The following PALLD variants were observed in gnomAD, a reference collection of about 807,000 sequenced individuals.
PALLD encodes palladin.
In PALLD, 61 loss-of-function variants were observed where a neutral mutation model predicts 123.5. The observed-to-expected ratio is 0.49, with a 90% CI of 0.40 to 0.61. The LOEUF is 0.61. PALLD is among the 20% of genes least tolerant of loss of function. The pLI is 0.00. For synonymous variants in PALLD, 465 were observed against 496.4 expected (o/e 0.94, Z 0.84); for missense variants, 1,273 against 1,377.0 (o/e 0.92, Z 1.20).
At chr4:168,897,978 T>A (rs1190639171) in intron 13 of PALLD, 1 of 152,318 alleles carries the variant, frequency 6.6e-6, no homozygotes, top group East Asian at 1.9e-4. Flanking sequence ...TTTTTTTTTC[T>A]ATTATTCTTT....
At chr4:168,526,548 C>G (rs751563887) in intron 2 of PALLD, among the ~76,000 whole-genome samples, 32 of 152,108 alleles carry the variant, frequency 2.1e-4, no homozygotes, top group Admixed American at 6.5e-4. Context: ...GTCCTCTTGC[C>G]TCACTTTCTT....
intron 2 of PALLD, among the ~76,000 whole-genome samples, chr4:168,590,943 G>C (rs369662919): frequency 3.2e-5 from 4 of 126,162 alleles, no homozygotes; most frequent in African/African-American, 1.2e-4. Flanking sequence ...GCAATGGTGC[G>C]ATCTCGGCTC....
chr4:168,896,853 T>C (rs1314145927), intron 13 of PALLD, among the ~76,000 whole-genome samples: 1 of 152,072 alleles, frequency 6.6e-6, no homozygotes, highest in African/African-American at 2.4e-5. Flanking sequence ...TATTTTGAGA[T>C]GGAGTTTCGC....
At chr4:168,664,838 A>G (rs1779478271) in intron 2 of PALLD, among the ~76,000 whole-genome samples, 1 of 151,840 alleles carries the variant, frequency 6.6e-6, no homozygotes, top group South Asian at 2.1e-4. Context: ...AAAGGGCAGC[A>G]TAGTTTCTGG....
chr4:168,919,523 A>T (rs1223885287), intron 17 of PALLD, among the ~76,000 whole-genome samples: 1 of 131,998 alleles, frequency 7.6e-6, no homozygotes, highest in South Asian at 2.3e-4. Context: ...AGACTGTCTT[A>T]AAAAAAAAAA....
At chr4:168,856,733 A>G (rs182569474) in intron 10 of PALLD, among the ~76,000 whole-genome samples, 1 of 152,384 alleles carries the variant, frequency 6.6e-6, no homozygotes, top group Non-Finnish European at 1.5e-5. Flanking sequence ...TAAATAATAG[A>G]GTCTAAAATT....
chr4:168,787,980 C>G (rs535247517), intron 10 of PALLD, among the ~76,000 whole-genome samples: 2 of 152,198 alleles, frequency 1.3e-5, no homozygotes, highest in African/African-American at 4.8e-5. Flanking sequence ...TGTATAACTT[C>G]GCTGTAAACA....
At chr4:168,749,444 C>T (rs9994796) in intron 10 of PALLD, among the ~76,000 whole-genome samples, 5,059 of 151,842 alleles carry the variant, frequency 0.033, 366 homozygotes, top group East Asian at 0.31. Context: ...CAGTGGCTCA[C>T]GCCTGTAATC....
At chr4:168,560,279 T>C (rs1258527096) in intron 2 of PALLD, among the ~76,000 whole-genome samples, 2 of 152,214 alleles carry the variant, frequency 1.3e-5, no homozygotes, top group Admixed American at 6.5e-5. Context: ...GCAAGGCCAG[T>C]TGCTTGCTTT....
chr4:168,729,488 T>C (rs1426026704), intron 10 of PALLD, among the ~76,000 whole-genome samples: 1 of 152,124 alleles, frequency 6.6e-6, no homozygotes, highest in African/African-American at 2.4e-5. Flanking sequence ...AACATTGTTT[T>C]TCTCATGACA....
intron 10 of PALLD, among the ~76,000 whole-genome samples, chr4:168,774,457 G>A (rs891408764): frequency 3.3e-5 from 5 of 152,178 alleles, no homozygotes; most frequent in Non-Finnish European, 7.3e-5. Context: ...GCTGAGTGCG[G>A]TGGCTCATGC....
chr4:168,919,778 C>T (rs1307422800), intron 17 of PALLD, among the ~76,000 whole-genome samples: 2 of 152,150 alleles, frequency 1.3e-5, no homozygotes, highest in African/African-American at 4.8e-5. Context: ...ACAAGCATCA[C>T]TATTTTCATG....
chr4:168,513,311 G>A (rs1259415534), intron 2 of PALLD, among the ~76,000 whole-genome samples: 1 of 152,180 alleles, frequency 6.6e-6, no homozygotes, highest in East Asian at 1.9e-4. Flanking sequence ...ACTAGAGCAT[G>A]GAGACAGCAA....
Position 168,709,148 on chromosome 4 carries a change from G to T in PALLD, c.1621+1G>T, listed in dbSNP as rs766935398. ...ACTGCCCAGCTGGTTGTCACCTCAG[G>T]TATGTGAGGAGTAAAAAAAATGACT... is the stretch of plus-strand genomic sequence containing the variant. On this transcript the variant is annotated splice_donor_variant, in intron 9 of 21. Coordinates refer to ENST00000505667, the MANE Select transcript of PALLD (RefSeq NM_001166108.2). LOFTEE classifies it high-confidence loss of function. The T allele has an allele frequency of 3.7e-6, 6 of 1,613,506 alleles. No individual in the cohort carries two copies. In the African/African-American group the frequency reaches 8.0e-5, roughly 22 times the overall value.
At chr4:168,634,670 C>A (rs1378546731) in intron 2 of PALLD, among the ~76,000 whole-genome samples, 1 of 152,170 alleles carries the variant, frequency 6.6e-6, no homozygotes, top group Non-Finnish European at 1.5e-5. Flanking sequence ...GCCTGGAGAC[C>A]AAAGCCACCA....
At chr4:168,824,696 G>A (rs1049903428) in intron 10 of PALLD, among the ~76,000 whole-genome samples, 1 of 151,008 alleles carries the variant, frequency 6.6e-6, no homozygotes, top group Non-Finnish European at 1.5e-5. Flanking sequence ...TTGAAATCTA[G>A]TACTTCATTG....
chr4:168,914,411 TG>T (rs1020184774), intron 16 of PALLD, among the ~76,000 whole-genome samples: 1 of 152,210 alleles, frequency 6.6e-6, no homozygotes, highest in Non-Finnish European at 1.5e-5. Context: ...CTATTACCAC[TG>T]GGTTTCTTAA....
intron 10 of PALLD, chr4:168,712,346 G>T: frequency 4.2e-6 from 1 of 239,420 alleles, no homozygotes; most frequent in Admixed American, 5.1e-5. Flanking sequence ...ATAGACAAGC[G>T]GGGAAAGACT....
At chr4:168,715,095 C>T (rs1785219360) in intron 10 of PALLD, among the ~76,000 whole-genome samples, 1 of 151,998 alleles carries the variant, frequency 6.6e-6, no homozygotes, top group East Asian at 1.9e-4. Context: ...GGTTCCTGGT[C>T]CAGTCTATGA....
Sources: gnomAD v4.1 joint callset for allele counts (sites outside exome capture counted in the v4.1 genomes callset) on GRCh38, gnomAD v4.1.1 for gene constraint, MANE v1.5 for transcripts, NCBI Gene and HGNC (gene_info 2026-07-23, HGNC 2026-07-21) for gene names.